UTS2: variants seen among roughly 807,000 people sequenced by gnomAD.
UTS2 encodes the protein urotensin 2.
Under a neutral mutation model 12.6 loss-of-function variants are expected in UTS2, and 10 were observed. The observed-to-expected ratio is 0.80, with a 90% CI of 0.49 to 1.35. The LOEUF is 1.35. UTS2 is among the 40% of genes most tolerant of loss of function. The pLI is 0.00. For missense variants in UTS2, 142 were observed against 143.2 expected (o/e 0.99, Z 0.04); for synonymous variants, 52 against 50.0 (o/e 1.04, Z -0.17).
At chr1:7,869,136 T>A in the UTS2 span, among the ~76,000 whole-genome samples, 1 of 152,182 alleles carries the variant, frequency 6.6e-6, no homozygotes, top group Non-Finnish European at 1.5e-5. Flanking sequence ...CAACACCCCT[T>A]TTTCAGATGG....
chr1:7,873,896 T>C, the UTS2 span, among the ~76,000 whole-genome samples: 1 of 152,306 alleles, frequency 6.6e-6, no homozygotes, highest in East Asian at 1.9e-4. Context: ...AGTCATTTGA[T>C]GCAGCAAACC....
At chr1:7,863,005 ATT>A in the UTS2 span, among the ~76,000 whole-genome samples, 1 of 20,050 alleles carries the variant, frequency 5.0e-5, no homozygotes. Flanking sequence ...ATTGTATTGT[ATT>A]GTATTGTATT....
chr1:7,890,728 C>CAAAAAAAA, the UTS2 span, among the ~76,000 whole-genome samples: 1 of 107,344 alleles, frequency 9.3e-6, no homozygotes, highest in Non-Finnish European at 1.8e-5. Flanking sequence ...CCCATCTCCA[C>CAAAAAAAA]AAAAAAAAAA....
the UTS2 span, among the ~76,000 whole-genome samples, chr1:7,862,201 C>A: frequency 0.67 from 100,701 of 150,792 alleles, 34,427 homozygotes; most frequent in Non-Finnish European, 0.73. Context: ...CTGGGATTAC[C>A]GGTGTGAGCC....
the UTS2 span, among the ~76,000 whole-genome samples, chr1:7,861,726 A>C: frequency 2.0e-5 from 3 of 152,084 alleles, no homozygotes; most frequent in Non-Finnish European, 2.9e-5. Context: ...CCCTTTCCCC[A>C]GGACAAAAGG....
At chr1:7,900,459 G>A in the UTS2 span, among the ~76,000 whole-genome samples, 1 of 152,094 alleles carries the variant, frequency 6.6e-6, no homozygotes, top group Admixed American at 6.6e-5. Context: ...GTTAAATAAT[G>A]TGTGGGCATG....
At chr1:7,898,842 G>T in the UTS2 span, among the ~76,000 whole-genome samples, 1 of 152,186 alleles carries the variant, frequency 6.6e-6, no homozygotes, top group South Asian at 2.1e-4. Context: ...GCCCTGATTT[G>T]GGTTCAAGCC....
chr1:7,853,881 A>G (rs1450472982), upstream of UTS2, among the ~76,000 whole-genome samples: 1 of 152,206 alleles, frequency 6.6e-6, no homozygotes, highest in African/African-American at 2.4e-5. Flanking sequence ...GCATCTGCAT[A>G]AGTCAGATCA....
chr1:7,869,340 G>A, the UTS2 span, among the ~76,000 whole-genome samples: 1 of 152,324 alleles, frequency 6.6e-6, no homozygotes, highest in Non-Finnish European at 1.5e-5. Flanking sequence ...CGGCGGCTGG[G>A]GTACCGCCAC....
At chr1:7,886,476 T>A in the UTS2 span, among the ~76,000 whole-genome samples, 60 of 152,282 alleles carry the variant, frequency 3.9e-4, no homozygotes, top group East Asian at 0.011. Context: ...TGTAGACCAA[T>A]CAGTCTCCGT....
the UTS2 span, among the ~76,000 whole-genome samples, chr1:7,899,137 T>C: frequency 5.9e-5 from 9 of 152,090 alleles, no homozygotes; most frequent in African/African-American, 1.9e-4. Context: ...TGAAACCTCA[T>C]TGACTATAAT....
rs1173110457 is a variant in UTS2, at chr1:7,853,017, T to C, written c.-14A>G. ...CAGCTTATACATGATCGCCACAAGATAGACGGCTTCCTTCTTGGCTTCTGT... is the reference window on the plus strand; with the variant it reads ...CAGCTTATACATGATCGCCACAAGACAGACGGCTTCCTTCTTGGCTTCTGT... On this transcript the variant is annotated 5_prime_UTR_variant, in exon 1 of 4. Transcript: ENST00000361696. The C allele has an allele frequency of 1.9e-6, 3 of 1,600,184 alleles. No homozygotes were observed. The highest frequency in any genetic ancestry group is 2.6e-6 in the Non-Finnish European group (3 of 1,176,174).
the UTS2 span, among the ~76,000 whole-genome samples, chr1:7,867,302 A>G: frequency 6.6e-6 from 1 of 152,224 alleles, no homozygotes; most frequent in Non-Finnish European, 1.5e-5. Context: ...CCTAATTTAT[A>G]TGTCAAAGTC....
intron 1 of UTS2, among the ~76,000 whole-genome samples, chr1:7,851,460 T>C (rs2097414064): frequency 6.6e-6 from 1 of 152,212 alleles, no homozygotes; most frequent in South Asian, 2.1e-4. Context: ...ATTGTGGCAT[T>C]TCCTATGTGA....
chr1:7,872,299 C>CAAAAAAAAAAAAAAAA, the UTS2 span, among the ~76,000 whole-genome samples: 11 of 65,886 alleles, frequency 1.7e-4, no homozygotes, highest in Non-Finnish European at 2.4e-4. Context: ...GACTCTGTCT[C>CAAAAAAAAAAAAAAAA]AAAAAAAAAA....
Position 7,853,015 on chromosome 1 carries a change from GAT to G in UTS2, c.-14_-13del. 6.3e-7 allele frequency: 1 copy of G among 1,599,618 alleles called. No individual in the cohort carries two copies. The highest frequency in any genetic ancestry group is 8.5e-7 in the Non-Finnish European group (1 of 1,175,996). On this transcript the variant is annotated 5_prime_UTR_variant, in exon 1 of 4. Coordinates refer to ENST00000361696, the MANE Select transcript of UTS2 (RefSeq NM_006786.4). ...GCCAGCTTATACATGATCGCCACAA[GAT>G]AGACGGCTTCCTTCTTGGCTTCTGT... is the stretch of plus-strand genomic sequence containing the variant.
At chr1:7,875,276 G>T in the UTS2 span, among the ~76,000 whole-genome samples, 1 of 151,982 alleles carries the variant, frequency 6.6e-6, no homozygotes, top group Admixed American at 6.5e-5. Flanking sequence ...GGGTTTCACC[G>T]TGTTATCCAG....
At chr1:7,851,678 C>G (rs1236622039) in intron 1 of UTS2, among the ~76,000 whole-genome samples, 2 of 152,100 alleles carry the variant, frequency 1.3e-5, no homozygotes, top group African/African-American at 4.8e-5. Context: ...GGACAGTGAG[C>G]AGATCATCAT....
the UTS2 span, among the ~76,000 whole-genome samples, chr1:7,892,998 A>G: frequency 6.6e-6 from 1 of 152,168 alleles, no homozygotes; most frequent in Non-Finnish European, 1.5e-5. Context: ...TTTAGTATTA[A>G]TACTTGTGAA....
Sources: gnomAD v4.1 joint callset for allele counts (sites outside exome capture counted in the v4.1 genomes callset) on GRCh38, gnomAD v4.1.1 for gene constraint, MANE v1.5 for transcripts, NCBI Gene and HGNC (gene_info 2026-07-23, HGNC 2026-07-21) for gene names.